The following MRTFB variants were observed in gnomAD, a reference collection of about 807,000 sequenced individuals.
MRTFB encodes the protein myocardin related transcription factor B, also known as myocardin-related transcription factor B.
A neutral mutation model predicts 104.2 loss-of-function variants in MRTFB; 29 were observed. The ratio of observed to expected loss-of-function variants is 0.28; its 90% confidence interval spans 0.21 to 0.38. The LOEUF is 0.38. Among genes scored for constraint, MRTFB ranks in the 10% least tolerant of loss-of-function variants. The probability of loss-of-function intolerance (pLI) is 1.00; values close to 1 mark genes in which losing one functional copy is unlikely to be tolerated. For missense variants in MRTFB, 1,270 were observed against 1,341.6 expected, an observed-to-expected ratio of 0.95 and a Z score of 0.83; for synonymous variants, 535 against 519.5, an observed-to-expected ratio of 1.03 and a Z score of -0.41.
chr16:14,241,730 G>A (rs1597355207), intron 10 of MRTFB, among the ~76,000 whole-genome samples: 1 of 152,052 alleles, frequency 6.6e-6, no homozygotes, highest in Non-Finnish European at 1.5e-5. Context: ...AGACCTGATT[G>A]TGAAGTACTT....
At chr16:14,070,621 G>C (rs1270232891), upstream of MRTFB, among the ~76,000 whole-genome samples, 1 of 152,252 alleles carries the variant, frequency 6.6e-6, no homozygotes, top group Admixed American at 6.5e-5. Flanking sequence ...ACTGTCGCCA[G>C]CTCCATTGAA....
At chr16:14,147,568 C>T (rs915245293) in intron 3 of MRTFB, among the ~76,000 whole-genome samples, 2 of 152,148 alleles carry the variant, frequency 1.3e-5, no homozygotes, top group African/African-American at 4.8e-5. Context: ...CAGTGCATTG[C>T]AGAGCACACC....
chr16:14,013,213 G>C, the MRTFB span: 1 of 152,338 alleles, frequency 6.6e-6, no homozygotes. Context: ...TCCCAGGCAG[G>C]GATGAGGGGC....
At chr16:14,106,778 G>A (rs1318252919) in intron 2 of MRTFB, among the ~76,000 whole-genome samples, 3 of 152,192 alleles carry the variant, frequency 2.0e-5, no homozygotes, top group Non-Finnish European at 2.9e-5. Context: ...TGAATACCTA[G>A]TATGAGGTCA....
chr16:14,251,376 CAAAAAAAAAAAA>C (rs776143724), intron 13 of MRTFB, among the ~76,000 whole-genome samples: 1 of 44,702 alleles, frequency 2.2e-5, no homozygotes, highest in Non-Finnish European at 4.8e-5. Context: ...GACTCCGTCT[CAAAAAAAAAAAA>C]AAAAAAAAAA....
the MRTFB span, among the ~76,000 whole-genome samples, chr16:14,002,679 C>A: frequency 2.6e-5 from 4 of 152,134 alleles, no homozygotes; most frequent in Admixed American, 6.5e-5. Flanking sequence ...TCTCTCCCCT[C>A]CTCCCCAAGC....
the MRTFB span, chr16:14,019,017 C>G: frequency 6.6e-6 from 1 of 152,132 alleles, no homozygotes; most frequent in African/African-American, 2.4e-5. Flanking sequence ...GCATGAAGAG[C>G]CCCAAGTGGC....
chr16:13,998,103 G>A, the MRTFB span, among the ~76,000 whole-genome samples: 24 of 152,316 alleles, frequency 1.6e-4, no homozygotes, highest in East Asian at 3.9e-4. Flanking sequence ...CCTCTGAGGC[G>A]TGCAGCAGGT....
At chr16:14,008,546 A>G in the MRTFB span, among the ~76,000 whole-genome samples, 4 of 152,182 alleles carry the variant, frequency 2.6e-5, no homozygotes, top group Non-Finnish European at 4.4e-5. Context: ...AGTGATCTAT[A>G]TGTCTGTCCT....
At chr16:14,212,640 G>A (rs560023991) in intron 5 of MRTFB, among the ~76,000 whole-genome samples, 13 of 152,244 alleles carry the variant, frequency 8.5e-5, no homozygotes, top group Non-Finnish European at 1.6e-4. Flanking sequence ...AACTAGTTTT[G>A]TACAAAAAGA....
chr16:14,137,547 G>T (rs1005534537), intron 2 of MRTFB, among the ~76,000 whole-genome samples: 1 of 152,072 alleles, frequency 6.6e-6, no homozygotes, highest in African/African-American at 2.4e-5. Context: ...TTAATTTGAT[G>T]TGAACAGATT....
chr16:14,004,750 G>A, the MRTFB span, among the ~76,000 whole-genome samples: 1 of 152,244 alleles, frequency 6.6e-6, no homozygotes, highest in South Asian at 2.1e-4. Context: ...GGAAGAGGAA[G>A]CTTCAGGGCC....
intron 2 of MRTFB, 98 bp downstream of exon 2, chr16:14,079,452 G>C (rs1329450256): frequency 3.2e-6 from 1 of 310,642 alleles, no homozygotes; most frequent in South Asian, 1.6e-4. Flanking sequence ...CTAACAGGGA[G>C]ATTGTTTTAG....
chr16:14,238,644 T>C (rs1229003843), intron 9 of MRTFB, among the ~76,000 whole-genome samples: 4 of 152,174 alleles, frequency 2.6e-5, no homozygotes, highest in Admixed American at 1.3e-4. Context: ...AGAAGGATTG[T>C]ACATGTGGAT....
At chr16:14,255,953 A>G (rs1301067486) in intron 15 of MRTFB, among the ~76,000 whole-genome samples, 1 of 152,028 alleles carries the variant, frequency 6.6e-6, no homozygotes, top group Admixed American at 6.6e-5. Context: ...TCATTACAAA[A>G]AAGACAAAAA....
chr16:14,015,272 C>G, the MRTFB span, among the ~76,000 whole-genome samples: 1 of 152,214 alleles, frequency 6.6e-6, no homozygotes, highest in Non-Finnish European at 1.5e-5. Context: ...ATCCGTGGGA[C>G]TATCCGCTTA....
chr16:14,003,623 G>GGCCTGCCGGCCTGCCTGCCTGCCTGCCT, the MRTFB span, among the ~76,000 whole-genome samples: 3 of 85,392 alleles, frequency 3.5e-5, no homozygotes, highest in Admixed American at 2.0e-4. Flanking sequence ...GGGGCCGGCC[G>GGCCTGCCGGCCTGCCTGCCTGCCTGCCT]GCCTGCCTGC....
chr16:14,168,237 G>A (rs1168609322), intron 3 of MRTFB, among the ~76,000 whole-genome samples: 1 of 152,022 alleles, frequency 6.6e-6, no homozygotes, highest in Non-Finnish European at 1.5e-5. Context: ...GTGTGTGTGT[G>A]TGTGTGTATG....
At chr16:14,239,853 G>A (rs2042683878) in intron 9 of MRTFB, among the ~76,000 whole-genome samples, 1 of 152,086 alleles carries the variant, frequency 6.6e-6, no homozygotes, top group African/African-American at 2.4e-5. Context: ...GTATTACATG[G>A]TTTTGGTGAA....
Sources: allele counts gnomAD v4.1 joint callset (sites outside exome capture counted in the v4.1 genomes callset), GRCh38; gene constraint gnomAD v4.1.1; transcripts MANE v1.5; gene names NCBI Gene and HGNC (gene_info 2026-07-23, HGNC 2026-07-21).